ADAMTS18: variants seen among roughly 807,000 people sequenced by gnomAD.
ADAMTS18 encodes the protein ADAM metallopeptidase with thrombospondin type 1 motif 18.
A neutral mutation model predicts 165.9 loss-of-function variants in ADAMTS18; 157 were observed. The observed-to-expected ratio is 0.95, with a 90% CI of 0.83 to 1.08. The LOEUF is 1.08. ADAMTS18 is among the 50% of genes least tolerant of loss of function. The probability of loss-of-function intolerance (pLI) is 0.00; values close to 1 mark genes in which losing one functional copy is unlikely to be tolerated. For synonymous variants in ADAMTS18, 782 were observed against 578.2 expected, an observed-to-expected ratio of 1.35 and a Z score of -5.06; for missense variants, 2,040 against 1,534.0, an observed-to-expected ratio of 1.33 and a Z score of -5.51.
chr16:77,323,535 AT>A (rs1013805309), intron 13 of ADAMTS18, among the ~76,000 whole-genome samples: 12 of 150,128 alleles, frequency 8.0e-5, no homozygotes, highest in Non-Finnish European at 1.8e-4. Flanking sequence ...ATTTCCAGAA[AT>A]TAACAAGTTT....
chr16:77,404,673 C>T (rs1045555582), intron 3 of ADAMTS18, among the ~76,000 whole-genome samples: 5 of 152,146 alleles, frequency 3.3e-5, no homozygotes, highest in Admixed American at 2.0e-4. Context: ...ACCCAAACCA[C>T]GTCATTCTGT....
intron 3 of ADAMTS18, among the ~76,000 whole-genome samples, chr16:77,382,881 C>T (rs1289299335): frequency 6.6e-6 from 1 of 152,176 alleles, no homozygotes; most frequent in Non-Finnish European, 1.5e-5. Context: ...CTTCACACGT[C>T]AGCATCCTTG....
intron 12 of ADAMTS18, among the ~76,000 whole-genome samples, chr16:77,334,205 A>G (rs1399710052): frequency 1.2e-5 from 1 of 80,100 alleles, no homozygotes; most frequent in African/African-American, 5.2e-5. Context: ...TATTACATAT[A>G]ATATACAGTG....
rs2056087156 is a variant in ADAMTS18 at position 77,325,926 on chromosome 16, A to G, written c.1972T>C (p.Tyr658His). The G allele has an allele frequency of 1.9e-6, 3 of 1,614,000 alleles. No homozygotes were observed. The highest frequency in any genetic ancestry group is 1.7e-5 in the Admixed American group (1 of 60,002). Residue 658 changes from tyrosine (Y) to histidine (H), a missense_variant, in exon 13 of 23, where the codon TAT (tyrosine) becomes CAT (histidine). Physicochemically the swap from Tyr to His is moderately conservative, Grantham distance 83 (BLOSUM62 2). Coordinates refer to ENST00000282849, the MANE Select transcript of ADAMTS18 (RefSeq NM_199355.4). ...LDFRAQQCAE[Y>H]NSKPFRGWFY... ...CATCCACGGAAAGGTTTGCTGTTAT[A>G]TTCTGCACACTGTTGAGCCCGAAAA...
chr16:77,301,809 A>C (rs1376658413), intron 16 of ADAMTS18, among the ~76,000 whole-genome samples: 1 of 152,226 alleles, frequency 6.6e-6, no homozygotes, highest in Non-Finnish European at 1.5e-5. Flanking sequence ...CAACAAAACA[A>C]ATCTCGATGC....
At chr16:77,339,153 G>C (rs1263955132) in intron 11 of ADAMTS18, among the ~76,000 whole-genome samples, 3 of 151,014 alleles carry the variant, frequency 2.0e-5, no homozygotes, top group Non-Finnish European at 4.5e-5. Context: ...AGTAAAACCA[G>C]GGCACTGGCC....
chr16:77,352,870 G>T (rs927173371), intron 10 of ADAMTS18, among the ~76,000 whole-genome samples: 1 of 152,082 alleles, frequency 6.6e-6, no homozygotes. Context: ...CAGCACTTGG[G>T]AGGCCGAGGT....
At chr16:77,412,950 G>A (rs766414514) in intron 3 of ADAMTS18, among the ~76,000 whole-genome samples, 16 of 152,162 alleles carry the variant, frequency 1.1e-4, no homozygotes, top group African/African-American at 1.7e-4. Context: ...TCCCGCCTCC[G>A]TCTTTGAAAG....
intron 16 of ADAMTS18, among the ~76,000 whole-genome samples, chr16:77,318,431 C>G (rs900502052): frequency 2.0e-5 from 3 of 152,174 alleles, no homozygotes; most frequent in African/African-American, 7.2e-5. Context: ...AGTCCTACCA[C>G]TTACATGTAA....
intron 10 of ADAMTS18, among the ~76,000 whole-genome samples, chr16:77,346,994 C>G (rs368143713): frequency 1.3e-5 from 2 of 152,186 alleles, no homozygotes; most frequent in South Asian, 2.1e-4. Context: ...AACCACCATT[C>G]TGATTTCGGT....
intron 12 of ADAMTS18, among the ~76,000 whole-genome samples, chr16:77,333,925 T>C (rs1261180789): frequency 6.9e-6 from 1 of 144,910 alleles, no homozygotes; most frequent in Non-Finnish European, 1.5e-5. Flanking sequence ...ATATACTAAA[T>C]ATAAATACTG....
Position 77,334,119 on chromosome 16 carries a change from T to C in ADAMTS18, c.1859+1637A>G, listed in dbSNP as rs1414926126. Among the ~76,000 whole-genome samples the C allele has an allele frequency of 4.8e-4, 52 of 109,380 alleles. 1 individual carries two copies. The highest frequency in any genetic ancestry group is 1.6e-3 in the East Asian group (6 of 3,656). 71.8% of individuals were successfully genotyped at this position (109,380 alleles called of 152,430 possible). A position where few individuals can be genotyped will look rare whatever the true frequency, so the allele number is the denominator to read the frequency against. ...TATATATAATATATAGTGTTATATA[T>C]TATATATAATATATAGTGTTATATA... On this transcript the variant is annotated intron_variant, in intron 12 of 22. Transcript: ENST00000282849.
intron 3 of ADAMTS18, among the ~76,000 whole-genome samples, chr16:77,413,565 G>C (rs1215281735): frequency 1.3e-5 from 2 of 152,236 alleles, no homozygotes; most frequent in East Asian, 3.9e-4. Context: ...AATTATTTTT[G>C]TCACTCAACC....
In ADAMTS18 at chr16:77,430,177, A is replaced by C. The variant is rs201433215; in HGVS notation, c.495+1118T>G. ...ACAAACAAACAAACAAACAAACAAAAAAACAAGATATAGTCATGTGTGCAC... is the reference window on the plus strand; with the variant it reads ...ACAAACAAACAAACAAACAAACAAACAAACAAGATATAGTCATGTGTGCAC... On this transcript the variant is annotated intron_variant, in intron 3 of 22. Coordinates refer to ENST00000282849, the MANE Select transcript of ADAMTS18 (RefSeq NM_199355.4). Among the ~76,000 whole-genome samples, 812 of 135,904 alleles carry C rather than the reference A, an allele frequency of 6.0e-3. 2 individuals carry two copies. The highest frequency in any genetic ancestry group is 0.017 in the East Asian group (83 of 5,014). The allele number at this position is 135,904 out of a possible 152,430, so 89.2% of individuals were successfully genotyped here. A position where few individuals can be genotyped will look rare whatever the true frequency, so the allele number is the denominator to read the frequency against.
chr16:77,431,657 C>G, intron 2 of ADAMTS18, 46 bp from the exon 3 acceptor site: 1 of 1,596,134 alleles, frequency 6.3e-7, no homozygotes, highest in Non-Finnish European at 8.6e-7. Flanking sequence ...GCCCACAATT[C>G]CAAATGGTCT....
chr16:77,302,187 A>G (rs2055597112), intron 16 of ADAMTS18, among the ~76,000 whole-genome samples: 1 of 152,048 alleles, frequency 6.6e-6, no homozygotes, highest in Non-Finnish European at 1.5e-5. Flanking sequence ...TTTTCATCTG[A>G]TATTAAGTAA....
Position 77,364,208 on chromosome 16 carries a change from T to A in ADAMTS18, c.952A>T (p.Ile318Phe). The A allele has an allele frequency of 1.2e-6, 2 of 1,614,096 alleles. No homozygotes were observed. Among genetic ancestry groups the A allele is most frequent in the East Asian group, 2.2e-5 (1 of 44,868 alleles). The change falls in exon 5 of 23, where the codon ATT (isoleucine) becomes TTT (phenylalanine). Residue 318 changes from isoleucine to phenylalanine, a missense_variant. By Grantham distance (21) the Ile-to-Phe change is conservative. Transcript: ENST00000282849. ...KHGKGNVTTY[I>F]LTVMNMVSGL... ...CTTACCATGTTCATTACTGTGAGAA[T>A]GTATGTGGTGACATTTCCCTTGCCA...
chr16:77,364,088 T>G, intron 5 of ADAMTS18, 100 bp downstream of exon 5: 1 of 1,498,440 alleles, frequency 6.7e-7, no homozygotes, highest in East Asian at 2.3e-5. Flanking sequence ...GCAATTACAT[T>G]TGCACCGACC....
At chr16:77,375,475 G>A (rs1054161931) in intron 3 of ADAMTS18, among the ~76,000 whole-genome samples, 1 of 152,194 alleles carries the variant, frequency 6.6e-6, no homozygotes, top group Admixed American at 6.5e-5. Flanking sequence ...ATTTTAGAGG[G>A]GAGGTAACGG....
Sources: gnomAD v4.1 joint callset for allele counts (sites outside exome capture counted in the v4.1 genomes callset) on GRCh38, gnomAD v4.1.1 for gene constraint, MANE v1.5 for transcripts, NCBI Gene and HGNC (gene_info 2026-07-23, HGNC 2026-07-21) for gene names.